Variants in SHISA9 observed in about 807,000 individuals in gnomAD.
The protein encoded by SHISA9 is protein shisa-9.
A neutral mutation model predicts 38.0 loss-of-function variants in SHISA9; 13 were observed. The ratio of observed to expected loss-of-function variants is 0.34; its 90% CI spans 0.22 to 0.54. SHISA9 has a LOEUF of 0.54. Among genes scored for constraint, SHISA9 ranks in the 20% least tolerant of loss-of-function variants. The pLI is 0.91. For missense variants in SHISA9, 538 were observed against 575.8 expected, an observed-to-expected ratio of 0.93 and a Z score of 0.67; for synonymous variants, 275 against 242.0, an observed-to-expected ratio of 1.14 and a Z score of -1.27.
intron 2 of SHISA9, among the ~76,000 whole-genome samples, chr16:13,026,105 T>C (rs1249624238): frequency 6.6e-6 from 1 of 152,198 alleles, no homozygotes; most frequent in African/African-American, 2.4e-5. Flanking sequence ...GCGCCCACCT[T>C]AACAACATTT....
chr16:13,283,411 C>T, the SHISA9 span, among the ~76,000 whole-genome samples: 1 of 152,018 alleles, frequency 6.6e-6, no homozygotes. Context: ...CTGCGTAATT[C>T]TAAAGGAAAG....
chr16:13,121,461 C>T (rs778875768), intron 2 of SHISA9, among the ~76,000 whole-genome samples: 2 of 152,136 alleles, frequency 1.3e-5, no homozygotes, highest in Non-Finnish European at 2.9e-5. Flanking sequence ...CACTGTGCTT[C>T]AGCTTGAGTG....
At chr16:13,053,618 C>T (rs1160387077) in intron 2 of SHISA9, among the ~76,000 whole-genome samples, 1 of 151,330 alleles carries the variant, frequency 6.6e-6, no homozygotes, top group African/African-American at 2.5e-5. Context: ...TTGCCTGATT[C>T]CCTGTTGCTT....
the SHISA9 span, among the ~76,000 whole-genome samples, chr16:13,434,917 A>G: frequency 6.6e-6 from 1 of 152,232 alleles, no homozygotes; most frequent in Admixed American, 6.5e-5. Flanking sequence ...TTGTTTAGAA[A>G]GAGATTGGTG....
the SHISA9 span, among the ~76,000 whole-genome samples, chr16:13,440,356 TTG>T: frequency 3.3e-5 from 5 of 152,126 alleles, no homozygotes; most frequent in Non-Finnish European, 5.9e-5. Context: ...TAGGGAAGAG[TTG>T]TCAGTCATTT....
At chr16:13,242,358 T>C (rs530384472), downstream of SHISA9, among the ~76,000 whole-genome samples, 2 of 152,168 alleles carry the variant, frequency 1.3e-5, no homozygotes, top group Non-Finnish European at 2.9e-5. Context: ...CAGGGTCCAA[T>C]GTTTGTAACA....
At chr16:13,533,781 ATTT>A in the SHISA9 span, among the ~76,000 whole-genome samples, 13,733 of 128,010 alleles carry the variant, frequency 0.11, 615 homozygotes, top group Admixed American at 0.18. Flanking sequence ...ATAACTCTCA[ATTT>A]TTTTTTTTTT....
At chr16:13,485,409 T>C in the SHISA9 span, among the ~76,000 whole-genome samples, 8 of 152,210 alleles carry the variant, frequency 5.3e-5, no homozygotes, top group African/African-American at 1.7e-4. Flanking sequence ...CCACGGTGTA[T>C]ATATGCCACA....
chr16:13,193,649 T>C (rs1008694228), intron 2 of SHISA9, among the ~76,000 whole-genome samples: 1 of 152,144 alleles, frequency 6.6e-6, no homozygotes, highest in Non-Finnish European at 1.5e-5. Flanking sequence ...CCTGGCCAAT[T>C]TGGCCTTTCT....
intron 2 of SHISA9, among the ~76,000 whole-genome samples, chr16:13,195,404 G>A (rs868335645): frequency 2.0e-5 from 3 of 152,118 alleles, no homozygotes; most frequent in African/African-American, 7.2e-5. Context: ...ACATATCCAT[G>A]TGTCTACACT....
intron 1 of SHISA9, 128 bp from the exon 2 acceptor site, chr16:12,916,560 C>T (rs913092418): frequency 1.8e-6 from 2 of 1,127,238 alleles, no homozygotes; most frequent in Non-Finnish European, 2.4e-6. Context: ...CTACTCCACC[C>T]CTAACTAGAA....
chr16:12,948,841 C>A (rs2071719117), intron 2 of SHISA9, among the ~76,000 whole-genome samples: 4 of 151,948 alleles, frequency 2.6e-5, no homozygotes, highest in Admixed American at 2.6e-4. Context: ...ATGTTCATAT[C>A]TGAAAAAACA....
the SHISA9 span, among the ~76,000 whole-genome samples, chr16:13,321,621 A>G: frequency 2.0e-5 from 3 of 152,218 alleles, no homozygotes; most frequent in Admixed American, 1.3e-4. Flanking sequence ...GGGAAATTCT[A>G]TAACTTAATG....
chr16:13,425,536 G>A, the SHISA9 span, among the ~76,000 whole-genome samples: 1 of 152,140 alleles, frequency 6.6e-6, no homozygotes, highest in Non-Finnish European at 1.5e-5. Flanking sequence ...AGCAGGGAGG[G>A]AAGAATGGGG....
chr16:13,026,895 G>T (rs1596595220), intron 2 of SHISA9, among the ~76,000 whole-genome samples: 1 of 152,176 alleles, frequency 6.6e-6, no homozygotes, highest in Admixed American at 6.5e-5. Context: ...TTTGGCTGCG[G>T]GAAGGGAAAA....
At chr16:13,042,577 T>C (rs1250438883) in intron 2 of SHISA9, among the ~76,000 whole-genome samples, 1 of 152,222 alleles carries the variant, frequency 6.6e-6, no homozygotes, top group Non-Finnish European at 1.5e-5. Context: ...TTAATAGAAG[T>C]GATCTCAAGA....
chr16:13,227,986 A>C (rs1357087121), intron 4 of SHISA9, among the ~76,000 whole-genome samples: 2 of 152,230 alleles, frequency 1.3e-5, no homozygotes, highest in Non-Finnish European at 2.9e-5. Context: ...GGGAATAGGT[A>C]AAATATAGGT....
chr16:13,202,772 C>T (rs1314656669), intron 2 of SHISA9, among the ~76,000 whole-genome samples: 1 of 152,098 alleles, frequency 6.6e-6, no homozygotes, highest in Non-Finnish European at 1.5e-5. Flanking sequence ...AATAATGGTG[C>T]AAAAACATCT....
chr16:13,354,496 AAG>A, the SHISA9 span, among the ~76,000 whole-genome samples: 4 of 151,292 alleles, frequency 2.6e-5, no homozygotes, highest in Non-Finnish European at 4.4e-5. Context: ...AGACTCAACA[AAG>A]AGTGAGTACA....
Sources: gnomAD v4.1 joint callset for allele counts (sites outside exome capture counted in the v4.1 genomes callset) on GRCh38, gnomAD v4.1.1 for gene constraint, MANE v1.5 for transcripts, NCBI Gene and HGNC (gene_info 2026-07-23, HGNC 2026-07-21) for gene names.